SLC4A4: variants seen among roughly 807,000 people sequenced by gnomAD.
SLC4A4 encodes the protein electrogenic sodium bicarbonate cotransporter 1.
Under a neutral mutation model 111.5 loss-of-function variants are expected in SLC4A4, and 27 were observed. The observed-to-expected ratio is 0.24, with a 90% CI of 0.18 to 0.33. The LOEUF (loss-of-function observed/expected upper bound fraction) is 0.33. Among genes scored for constraint, SLC4A4 ranks in the 10% least tolerant of loss-of-function variants. SLC4A4 has a pLI of 1.00. For missense variants in SLC4A4, 909 were observed against 1,315.5 expected, an observed-to-expected ratio of 0.69 and a Z score of 4.78; for synonymous variants, 443 against 463.4, an observed-to-expected ratio of 0.96 and a Z score of 0.57.
At chr4:71,234,182 C>T (rs893148851) in intron 1 of SLC4A4, among the ~76,000 whole-genome samples, 21 of 152,336 alleles carry the variant, frequency 1.4e-4, no homozygotes, top group African/African-American at 4.6e-4. Flanking sequence ...GCCAAGCAGT[C>T]CCTGCCTCAT....
At chr4:71,068,644 C>T (rs1193934936) in intron 1 of SLC4A4, among the ~76,000 whole-genome samples, 1 of 151,948 alleles carries the variant, frequency 6.6e-6, no homozygotes, top group African/African-American at 2.4e-5. Context: ...AACCTGCAAC[C>T]TCCGCCTCTC....
chr4:71,396,915 G>A (rs1348029216), intron 6 of SLC4A4, among the ~76,000 whole-genome samples: 1 of 152,202 alleles, frequency 6.6e-6, no homozygotes, highest in Non-Finnish European at 1.5e-5. Context: ...AGGGGGAAAA[G>A]AGGATATACT....
chr4:71,444,442 G>A (rs955113715), intron 8 of SLC4A4, among the ~76,000 whole-genome samples: 1 of 152,084 alleles, frequency 6.6e-6, no homozygotes, highest in African/African-American at 2.4e-5. Flanking sequence ...TGAATAAAAA[G>A]AACTTAGTAA....
chr4:71,404,522 A>G (rs1720659775), intron 7 of SLC4A4, among the ~76,000 whole-genome samples: 1 of 152,210 alleles, frequency 6.6e-6, no homozygotes, highest in Admixed American at 6.5e-5. Flanking sequence ...TCTTTTCAAT[A>G]TGTAGCATTC....
At chr4:71,223,745 A>G (rs1237562929) in intron 1 of SLC4A4, among the ~76,000 whole-genome samples, 5 of 151,816 alleles carry the variant, frequency 3.3e-5, no homozygotes, top group African/African-American at 7.3e-5. Flanking sequence ...CTTAGATCCA[A>G]TGCTTTTAGG....
intron 2 of SLC4A4, among the ~76,000 whole-genome samples, chr4:71,121,338 G>T (rs369596940): frequency 2.0e-5 from 3 of 152,194 alleles, no homozygotes; most frequent in Admixed American, 2.0e-4. Context: ...GGTGCACGGC[G>T]CTGGACTGAG....
chr4:71,437,391 G>T (rs1724259458), intron 7 of SLC4A4: 1 of 311,112 alleles, frequency 3.2e-6, no homozygotes, highest in African/African-American at 2.2e-5. Flanking sequence ...TCAGTTTGTG[G>T]TGGGGATTGC....
intron 2 of SLC4A4, among the ~76,000 whole-genome samples, chr4:71,094,777 C>A (rs746051538): frequency 6.6e-6 from 1 of 150,694 alleles, no homozygotes; most frequent in African/African-American, 2.5e-5. Context: ...GTGTGGTTCA[C>A]GAGTCCTCAT....
At chr4:71,093,685 T>G (rs1742454182) in intron 2 of SLC4A4, among the ~76,000 whole-genome samples, 1 of 152,180 alleles carries the variant, frequency 6.6e-6, no homozygotes, top group African/African-American at 2.4e-5. Flanking sequence ...GTTGGTAAAA[T>G]AGGTGAAAAA....
At chr4:71,541,412 G>A (rs1222484923) in intron 18 of SLC4A4, among the ~76,000 whole-genome samples, 1 of 152,130 alleles carries the variant, frequency 6.6e-6, no homozygotes, top group African/African-American at 2.4e-5. Context: ...GCACTGAAAG[G>A]AGAGAATGGC....
intron 16 of SLC4A4, among the ~76,000 whole-genome samples, chr4:71,522,936 G>A (rs1276891062): frequency 2.6e-5 from 4 of 152,128 alleles, no homozygotes; most frequent in Non-Finnish European, 4.4e-5. Flanking sequence ...GTAAGACACA[G>A]GAAAGTCTAG....
intron 3 of SLC4A4, among the ~76,000 whole-genome samples, chr4:71,303,921 A>G (rs1725476368): frequency 6.6e-6 from 1 of 152,228 alleles, no homozygotes; most frequent in East Asian, 1.9e-4. Context: ...TTGAATGCCT[A>G]TTATATTCTT....
intron 1 of SLC4A4, among the ~76,000 whole-genome samples, chr4:71,190,940 A>C (rs1325282621): frequency 6.6e-6 from 1 of 152,254 alleles, no homozygotes; most frequent in Non-Finnish European, 1.5e-5. Flanking sequence ...TCAGAATTAC[A>C]ATGGTGTGAA....
chr4:71,503,025 A>G (rs527354567), intron 16 of SLC4A4, among the ~76,000 whole-genome samples: 6 of 152,286 alleles, frequency 3.9e-5, no homozygotes, highest in Admixed American at 1.3e-4. Flanking sequence ...TTAGGTGCAT[A>G]TAGATTTATA....
chr4:71,495,458 A>T (rs987162554), intron 15 of SLC4A4, among the ~76,000 whole-genome samples: 2 of 152,142 alleles, frequency 1.3e-5, no homozygotes, highest in Admixed American at 1.3e-4. Flanking sequence ...AAAATGAGAT[A>T]TGATTAATCA....
intron 9 of SLC4A4, among the ~76,000 whole-genome samples, 156 bp downstream of exon 9, chr4:71,447,889 A>C (rs183095065): frequency 6.6e-6 from 1 of 152,382 alleles, no homozygotes; most frequent in East Asian, 1.9e-4. Flanking sequence ...GCTGAATCCT[A>C]TATGGTTTGC....
chr4:71,440,557 A>C (rs1724623832), intron 7 of SLC4A4, 59 bp from the exon 8 acceptor site: 1 of 1,589,722 alleles, frequency 6.3e-7, no homozygotes, highest in Non-Finnish European at 8.6e-7. Flanking sequence ...TGGAACTAAT[A>C]GTAATTCCAC....
chr4:71,412,347 A>G (rs1721430895), intron 7 of SLC4A4, among the ~76,000 whole-genome samples: 1 of 152,222 alleles, frequency 6.6e-6, no homozygotes, highest in Admixed American at 6.5e-5. Context: ...AGAAAAATAG[A>G]AGTAACTCAT....
At chr4:71,064,621 G>C (rs1741468431) in intron 1 of SLC4A4, among the ~76,000 whole-genome samples, 2 of 152,212 alleles carry the variant, frequency 1.3e-5, no homozygotes, top group South Asian at 2.1e-4. Context: ...GCAGGAGTAA[G>C]AAATATGTCA....
Sources: allele counts gnomAD v4.1 joint callset (sites outside exome capture counted in the v4.1 genomes callset), GRCh38; gene constraint gnomAD v4.1.1; transcripts MANE v1.5; gene names NCBI Gene and HGNC (gene_info 2026-07-23, HGNC 2026-07-21).